Variants in STS observed in about 807,000 individuals in gnomAD.
STS encodes steroid sulfatase.
STS carries 7 observed loss-of-function variants against 26.8 expected under a neutral mutation model. The ratio of observed to expected loss-of-function variants is 0.26; its 90% CI spans 0.15 to 0.49. The LOEUF is 0.49. Among genes scored for constraint, STS ranks in the 20% least tolerant of loss-of-function variants. STS has a pLI of 0.98. For synonymous variants in STS, 199 were observed against 189.4 expected (o/e 1.05, Z -0.42); for missense variants, 434 against 465.6 (o/e 0.93, Z 0.63).
intron 2 of STS, among the ~76,000 whole-genome samples, chrX:7,193,249 GT>G (rs1933910870): frequency 1.8e-5 from 2 of 111,553 alleles, no homozygotes; most frequent in Admixed American, 1.9e-4. Context: ...TCCTTTTTCT[GT>G]TTCAGAAACA....
chrX:7,310,065 G>A (rs1457528586), intron 8 of STS, among the ~76,000 whole-genome samples: 3 of 111,704 alleles, frequency 2.7e-5, no homozygotes, highest in Non-Finnish European at 5.6e-5. Flanking sequence ...ATTTTCTAAG[G>A]AATAATTTAT....
intron 8 of STS, among the ~76,000 whole-genome samples, chrX:7,310,665 C>G (rs1926434032): frequency 8.9e-6 from 1 of 111,932 alleles, no homozygotes; most frequent in South Asian, 3.7e-4. Flanking sequence ...TCAACCTTCA[C>G]TGCAGCTGCT....
chrX:7,231,042 G>A (rs1447712086), intron 2 of STS, among the ~76,000 whole-genome samples: 1 of 111,982 alleles, frequency 8.9e-6, no homozygotes, highest in Admixed American at 9.5e-5. Context: ...TTGAAAACAG[G>A]TGTGAATGCT....
At chrX:7,151,282 C>G (rs1933006522) in intron 1 of STS, among the ~76,000 whole-genome samples, 1 of 111,801 alleles carries the variant, frequency 8.9e-6, no homozygotes, top group East Asian at 2.8e-4. Flanking sequence ...ATTCTCTTTA[C>G]TTTTCTAGGG....
At chrX:7,323,796 G>A (rs944189916) in intron 8 of STS, among the ~76,000 whole-genome samples, 9 of 111,616 alleles carry the variant, frequency 8.1e-5, no homozygotes, top group Non-Finnish European at 1.7e-4. Flanking sequence ...AGCTCTAGGG[G>A]AGAATCTTAT....
intron 10 of STS, among the ~76,000 whole-genome samples, chrX:7,338,013 G>T (rs1244210968): frequency 1.8e-5 from 2 of 111,436 alleles, no homozygotes; most frequent in African/African-American, 6.5e-5. Context: ...TAATTTAGTT[G>T]TCTCAGTAAA....
At chrX:7,219,226 C>A (rs1157444235) in intron 2 of STS, among the ~76,000 whole-genome samples, 2 of 112,116 alleles carry the variant, frequency 1.8e-5, no homozygotes, top group African/African-American at 6.5e-5. Flanking sequence ...CCATCTCATT[C>A]TCTATGGCCC....
At chrX:7,156,457 T>C (rs768327135) in intron 1 of STS, among the ~76,000 whole-genome samples, 37 of 111,656 alleles carry the variant, frequency 3.3e-4, no homozygotes, top group Non-Finnish European at 5.8e-4. Context: ...TTTTCTTCTC[T>C]TGTGGGCACA....
At chrX:7,239,881 CTT>C (rs71893716) in intron 2 of STS, among the ~76,000 whole-genome samples, 4,871 of 74,787 alleles carry the variant, frequency 0.065, 221 homozygotes, top group African/African-American at 0.18. Flanking sequence ...TTCTAAGTGG[CTT>C]TTTTTTTTTT....
chrX:7,313,969 G>T (rs1362014538), intron 8 of STS, among the ~76,000 whole-genome samples: 4 of 111,813 alleles, frequency 3.6e-5, no homozygotes, highest in African/African-American at 1.3e-4. Context: ...TTGACGTTTT[G>T]CATTGTTGGC....
At chrX:7,174,945 T>A (rs1601629679) in intron 1 of STS, among the ~76,000 whole-genome samples, 2 of 111,166 alleles carry the variant, frequency 1.8e-5, no homozygotes, top group Middle Eastern at 9.3e-3. Context: ...AGTCTTCATG[T>A]CTACTGACAT....
At chrX:7,311,194 T>A (rs981396157) in intron 8 of STS, among the ~76,000 whole-genome samples, 1 of 110,522 alleles carries the variant, frequency 9.0e-6, no homozygotes, top group Non-Finnish European at 1.9e-5. Context: ...CCCTTTGGAC[T>A]TCTCCAGTGT....
intron 2 of STS, among the ~76,000 whole-genome samples, chrX:7,204,002 C>G (rs1045438018): frequency 9.0e-6 from 1 of 111,337 alleles, no homozygotes; most frequent in East Asian, 2.8e-4. Context: ...GCAGGCTGCT[C>G]TCAAACTTCC....
chrX:7,150,514 C>T (rs1932990074), intron 1 of STS, among the ~76,000 whole-genome samples: 2 of 111,571 alleles, frequency 1.8e-5, no homozygotes, highest in Non-Finnish European at 3.8e-5. Flanking sequence ...AGCCACCGCC[C>T]CCGGCCAAAA....
rs774769476 is a variant in STS, at chrX:7,338,295, A to G, written c.1363+4188A>G. Among the ~76,000 whole-genome samples, 16 of 112,088 alleles carry G rather than the reference A, an allele frequency of 1.4e-4. No individual in the cohort carries two copies. The South Asian group carries it at 5.9e-3, about 42-fold the overall frequency. ...TGGATACTTGGCTCCAGGATTTTTA[A>G]GCTGATGACTGTAGTCTGTGAGATA... On this transcript the variant is annotated intron_variant, in intron 10 of 10. Coordinates refer to ENST00000674429, the MANE Select transcript of STS (RefSeq NM_001320752.2).
intron 6 of STS, among the ~76,000 whole-genome samples, chrX:7,270,998 C>CT (rs142362269): frequency 0.36 from 36,076 of 101,106 alleles, 5,110 homozygotes; most frequent in Non-Finnish European, 0.4. Flanking sequence ...TCTTCTTCTT[C>CT]TTTTTTTTTT....
chrX:7,240,519 G>C, intron 2 of STS, among the ~76,000 whole-genome samples: 1 of 23,016 alleles, frequency 4.3e-5, no homozygotes. Context: ...GTGTGTGTGT[G>C]TGTGTGTGTG....
chrX:7,240,931 C>G (rs1485731551), intron 2 of STS, among the ~76,000 whole-genome samples: 3 of 110,949 alleles, frequency 2.7e-5, no homozygotes, highest in African/African-American at 9.9e-5. Context: ...TCCCTAGTGT[C>G]CTCAATCTCT....
chrX:7,312,172 T>G (rs1271178789), intron 8 of STS, among the ~76,000 whole-genome samples: 1 of 112,012 alleles, frequency 8.9e-6, no homozygotes, highest in African/African-American at 3.2e-5. Flanking sequence ...CCCTTCATCT[T>G]GTTCCCACCT....
Sources: gnomAD v4.1 joint callset for allele counts (sites outside exome capture counted in the v4.1 genomes callset) on GRCh38, gnomAD v4.1.1 for gene constraint, MANE v1.5 for transcripts, NCBI Gene and HGNC (gene_info 2026-07-23, HGNC 2026-07-21) for gene names.